Variants in MCTP2 observed in about 807,000 individuals in gnomAD.
MCTP2 encodes multiple C2 and transmembrane domain containing 2.
MCTP2 carries 132 observed loss-of-function variants against 111.6 expected under a neutral mutation model. The observed-to-expected ratio is 1.18, with a 90% CI of 1.03 to 1.37. The LOEUF (loss-of-function observed/expected upper bound fraction) is 1.37, where lower values mean the gene tolerates loss of function less well. Among genes scored for constraint, MCTP2 ranks in the 40% most tolerant of loss-of-function variants. MCTP2 has a pLI of 0.00. For synonymous variants in MCTP2, 395 were observed against 387.7 expected (o/e 1.02, Z -0.22); for missense variants, 1,183 against 1,067.9 (o/e 1.11, Z -1.50).
intron 19 of MCTP2, 133 bp downstream of exon 19, chr15:94,443,093 A>G: frequency 1.8e-6 from 1 of 554,996 alleles, no homozygotes; most frequent in South Asian, 3.4e-5. Context: ...GTATAGTAAT[A>G]TTATTGTAAC....
chr15:94,464,257 T>TATTATATATATATATATATATATATTA (rs4001978), intron 20 of MCTP2, among the ~76,000 whole-genome samples: 4 of 44,966 alleles, frequency 8.9e-5, no homozygotes, highest in African/African-American at 2.4e-4. Context: ...TATATATATA[T>TATTATATATATATATATATATATATTA]TATATATATA....
At chr15:94,390,428 T>C (rs2080887164) in intron 14 of MCTP2, among the ~76,000 whole-genome samples, 1 of 152,124 alleles carries the variant, frequency 6.6e-6, no homozygotes, top group Non-Finnish European at 1.5e-5. Context: ...TGTCAGGCAG[T>C]AGACACGATC....
At chr15:94,294,264 G>A (rs146128887) in intron 1 of MCTP2, among the ~76,000 whole-genome samples, 9 of 152,266 alleles carry the variant, frequency 5.9e-5, no homozygotes, top group South Asian at 4.1e-4. Flanking sequence ...TCTGTGTCCC[G>A]ATTGTGATGG....
intron 17 of MCTP2, among the ~76,000 whole-genome samples, chr15:94,424,551 C>G (rs1034780417): frequency 6.6e-6 from 1 of 152,174 alleles, no homozygotes; most frequent in Admixed American, 6.5e-5. Context: ...GCTTCTCATA[C>G]AGGCTCAAGT....
chr15:94,361,092 T>TC, intron 10 of MCTP2, among the ~76,000 whole-genome samples: 1 of 130,626 alleles, frequency 7.7e-6, no homozygotes, highest in East Asian at 2.3e-4. Context: ...AAGTTTTTTT[T>TC]TTTTTTTTTT....
chr15:94,323,637 T>C (rs2076722101), intron 4 of MCTP2, among the ~76,000 whole-genome samples: 1 of 152,212 alleles, frequency 6.6e-6, no homozygotes, highest in African/African-American at 2.4e-5. Context: ...ATTACTGTTA[T>C]TATTTATTGT....
intron 1 of MCTP2, among the ~76,000 whole-genome samples, chr15:94,244,100 A>G (rs566973140): frequency 9.0e-4 from 50 of 55,852 alleles, no homozygotes; most frequent in Admixed American, 3.8e-3. Flanking sequence ...GTATACACAT[A>G]CATATGTGTA....
chr15:94,437,087 G>A (rs1248907375), intron 17 of MCTP2, among the ~76,000 whole-genome samples: 2 of 141,396 alleles, frequency 1.4e-5, no homozygotes, highest in Admixed American at 1.5e-4. Flanking sequence ...CACACTAGAG[G>A]AAATCAGTGT....
intron 17 of MCTP2, among the ~76,000 whole-genome samples, chr15:94,422,784 C>A (rs1384010059): frequency 6.6e-6 from 1 of 152,152 alleles, no homozygotes; most frequent in African/African-American, 2.4e-5. Context: ...GCATGTGAAG[C>A]CTTTTTAAAT....
rs1474126278 is a variant in MCTP2, at chr15:94,458,248, T to G, written c.2360+2T>G. ...TTCTTTTGGAGAAAGGATTAAGAAG[T>G]AAGTTCTAAATTTGTGTTGTGGTGT... On this transcript the variant is annotated splice_donor_variant, in intron 20 of 22. Coordinates refer to ENST00000357742, the MANE Select transcript of MCTP2 (RefSeq NM_001385001.1). LOFTEE classifies it high-confidence loss of function. The G allele has an allele frequency of 2.5e-6, 4 of 1,570,772 alleles. No individual in the cohort carries two copies. Among genetic ancestry groups the G allele is most frequent in the Non-Finnish European group, 3.5e-6 (4 of 1,140,768 alleles).
At chr15:94,405,558 CATGCG>C (rs2081858844) in intron 17 of MCTP2, among the ~76,000 whole-genome samples, 1 of 152,188 alleles carries the variant, frequency 6.6e-6, no homozygotes, top group African/African-American at 2.4e-5. Context: ...CTTCCTCTAC[CATGCG>C]ATTTATCACT....
chr15:94,470,751 C>G (rs1053920626), intron 21 of MCTP2, among the ~76,000 whole-genome samples: 1 of 150,740 alleles, frequency 6.6e-6, no homozygotes, highest in African/African-American at 2.4e-5. Flanking sequence ...GCCCGGGTAA[C>G]TTTAAGGAAA....
chr15:94,241,727 A>T (rs945749898), intron 1 of MCTP2, among the ~76,000 whole-genome samples: 1 of 152,072 alleles, frequency 6.6e-6, no homozygotes, highest in Admixed American at 6.6e-5. Flanking sequence ...GTTTGAGCTA[A>T]GTCACTTTTT....
chr15:94,448,479 C>T (rs184932854), intron 19 of MCTP2, among the ~76,000 whole-genome samples: 2 of 152,244 alleles, frequency 1.3e-5, no homozygotes, highest in Admixed American at 1.3e-4. Flanking sequence ...TATCCCTAAT[C>T]TAAATACTTG....
chr15:94,352,044 A>G (rs2078334325), intron 8 of MCTP2, among the ~76,000 whole-genome samples: 2 of 152,158 alleles, frequency 1.3e-5, no homozygotes, highest in African/African-American at 4.8e-5. Context: ...AATTCACATC[A>G]CTATCTCCCC....
chr15:94,465,160 C>G (rs2073158863), intron 20 of MCTP2, among the ~76,000 whole-genome samples: 1 of 151,998 alleles, frequency 6.6e-6, no homozygotes, highest in African/African-American at 2.4e-5. Context: ...ATTATATTTT[C>G]TTGGTTGATT....
chr15:94,401,847 G>C (rs923627380), intron 16 of MCTP2, 53 bp from the exon 17 acceptor site: 10 of 1,430,518 alleles, frequency 7.0e-6, no homozygotes, highest in Non-Finnish European at 9.7e-6. Flanking sequence ...GATCTAGATG[G>C]AATATTTGTA....
intron 1 of MCTP2, among the ~76,000 whole-genome samples, chr15:94,287,138 T>C (rs2074796164): frequency 1.3e-5 from 2 of 152,226 alleles, no homozygotes; most frequent in African/African-American, 4.8e-5. Flanking sequence ...AGATTTATTA[T>C]TTCTTTAAGT....
intron 10 of MCTP2, among the ~76,000 whole-genome samples, chr15:94,364,528 G>A (rs866434030): frequency 2.0e-5 from 3 of 152,024 alleles, no homozygotes; most frequent in Non-Finnish European, 4.4e-5. Flanking sequence ...GAGATTTTTC[G>A]TGTTAAAGGT....
Sources: allele counts gnomAD v4.1 joint callset (sites outside exome capture counted in the v4.1 genomes callset), GRCh38; gene constraint gnomAD v4.1.1; transcripts MANE v1.5; gene names NCBI Gene and HGNC (gene_info 2026-07-23, HGNC 2026-07-21).